The following JADE3 variants were observed in gnomAD, a reference collection of about 807,000 sequenced individuals.
JADE3 encodes the protein protein Jade-3.
JADE3 carries 2 observed loss-of-function variants against 50.1 expected under a neutral mutation model. The ratio of observed to expected loss-of-function variants is 0.04; its 90% CI spans 0.02 to 0.13. JADE3 has a LOEUF of 0.13. Among genes scored for constraint, JADE3 ranks in the 10% least tolerant of loss-of-function variants. The probability of loss-of-function intolerance (pLI) is 1.00; values close to 1 mark genes in which losing one functional copy is unlikely to be tolerated. For synonymous variants in JADE3, 218 were observed against 232.9 expected (o/e 0.94, Z 0.58); for missense variants, 475 against 634.4 (o/e 0.75, Z 2.70).
At chrX:47,052,856 G>A (rs1253986111) in intron 8 of JADE3, among the ~76,000 whole-genome samples, 2 of 109,148 alleles carry the variant, frequency 1.8e-5, no homozygotes, top group African/African-American at 3.3e-5. Context: ...AGGAGTTTGA[G>A]ACCAGCCTGA....
intron 4 of JADE3, among the ~76,000 whole-genome samples, chrX:47,020,911 TC>T (rs1556364266): frequency 9.1e-6 from 1 of 110,300 alleles, no homozygotes; most frequent in Non-Finnish European, 1.9e-5. Context: ...GCCCAGGAGT[TC>T]AAGACTAGCC....
intron 1 of JADE3, among the ~76,000 whole-genome samples, chrX:46,965,347 T>C (rs1278447691): frequency 9.0e-6 from 1 of 111,508 alleles, no homozygotes; most frequent in African/African-American, 3.3e-5. Context: ...GGGACAAATG[T>C]ATTATTGGCT....
chrX:46,938,621 G>T (rs1234224372), intron 1 of JADE3, among the ~76,000 whole-genome samples: 2 of 112,226 alleles, frequency 1.8e-5, no homozygotes, highest in African/African-American at 6.5e-5. Context: ...CACCATTTAT[G>T]TTGCTCTTTT....
intron 3 of JADE3, among the ~76,000 whole-genome samples, chrX:46,990,740 T>C (rs990770328): frequency 1.6e-4 from 18 of 111,376 alleles, no homozygotes; most frequent in Non-Finnish European, 2.8e-4. Flanking sequence ...TTTAAGTGTA[T>C]AATTCAGTGG....
chrX:46,993,550 G>A (rs1328436146), intron 3 of JADE3, among the ~76,000 whole-genome samples: 1 of 111,870 alleles, frequency 8.9e-6, no homozygotes, highest in African/African-American at 3.2e-5. Flanking sequence ...TGATATGGGG[G>A]AAAGGGAATA....
chrX:47,042,199 C>T (rs1556369853), intron 8 of JADE3, among the ~76,000 whole-genome samples: 2 of 111,203 alleles, frequency 1.8e-5, no homozygotes, highest in Admixed American at 9.6e-5. Context: ...GCTGTGTTGC[C>T]CAGGCTTATT....
At chrX:46,946,933 C>T (rs1032273260) in intron 1 of JADE3, among the ~76,000 whole-genome samples, 1 of 112,453 alleles carries the variant, frequency 8.9e-6, no homozygotes, top group Non-Finnish European at 1.9e-5. Flanking sequence ...CAAGTGTGGA[C>T]TTGGACCAGG....
chrX:46,964,254 C>T (rs1927322450), intron 1 of JADE3, among the ~76,000 whole-genome samples: 1 of 111,933 alleles, frequency 8.9e-6, no homozygotes, highest in South Asian at 3.7e-4. Flanking sequence ...ATTCTCTTCT[C>T]CTCGGGAGGT....
chrX:47,042,420 C>CA (rs782245495), intron 8 of JADE3, among the ~76,000 whole-genome samples: 1 of 111,436 alleles, frequency 9.0e-6, no homozygotes, highest in African/African-American at 3.3e-5. Context: ...AGTAGACAGA[C>CA]AATTAATAGA....
At chrX:47,013,047 C>G (rs1311307213) in intron 4 of JADE3, among the ~76,000 whole-genome samples, 2 of 112,280 alleles carry the variant, frequency 1.8e-5, no homozygotes, top group African/African-American at 6.5e-5. Context: ...GTCTCGTTCT[C>G]TGTTGCCCAG....
chrX:47,058,447 T>C lies in JADE3; in HGVS notation c.1842T>C (p.Ser614=), dbSNP rs1556373913. ...TGGCCAGTCTCAGCCATTCTAGGAG[T>C]GAAGCAAAGGAGTCCAGTCCTGCTT... is the stretch of plus-strand genomic sequence containing the variant. ...RLLASLSHSR[S]EAKESSPAWR... Residue 614 remains serine, a synonymous_variant, in exon 11 of 11, where the codon AGT becomes AGC. Coordinates refer to ENST00000614628, the MANE Select transcript of JADE3 (RefSeq NM_014735.5). The C allele has an allele frequency of 3.3e-6, 4 of 1,210,586 alleles. No homozygotes were observed. In the South Asian group the frequency reaches 7.0e-5, roughly 21 times the overall value.
At chrX:47,009,223 G>A (rs1011322110) in intron 4 of JADE3, among the ~76,000 whole-genome samples, 1 of 110,971 alleles carries the variant, frequency 9.0e-6, no homozygotes, top group East Asian at 2.8e-4. Flanking sequence ...TCGGGAGGCC[G>A]AGTTGGAAGG....
intron 1 of JADE3, among the ~76,000 whole-genome samples, chrX:46,915,770 A>AT (rs374580333): frequency 2.7e-5 from 3 of 109,861 alleles, no homozygotes; most frequent in African/African-American, 9.9e-5. Context: ...AAAAAAAAAA[A>AT]GGGTCCTGGG....
In JADE3 at chrX:46,974,963, C is replaced by A. The variant is rs895491113; in HGVS notation, c.-11-9921C>A. Among the ~76,000 whole-genome samples the A allele has an allele frequency of 2.7e-4, 30 of 112,207 alleles. 1 individual carries two copies. The highest frequency in any genetic ancestry group is 1.1e-4 in the Non-Finnish European group (6 of 53,280). Reference sequence around the variant, plus strand: ...CTGTGCCTTGTAGGATGTTTAACGGCATCCCTCCTGACCTCTATCCCTAGA... The same window carrying A: ...CTGTGCCTTGTAGGATGTTTAACGGAATCCCTCCTGACCTCTATCCCTAGA... On this transcript the variant is annotated intron_variant, in intron 1 of 10. Transcript: ENST00000614628.
chrX:47,059,030 G>C lies in JADE3; in HGVS notation c.2425G>C (p.Gly809Arg). The C allele has an allele frequency of 8.3e-7, 1 of 1,206,376 alleles. No homozygotes were observed. The highest frequency in any genetic ancestry group is 1.1e-6 in the Non-Finnish European group (1 of 894,245). Reference protein sequence around the residue: ...PPHDSRRDCHGKSKTHPLSHS... With the variant: ...PPHDSRRDCHRKSKTHPLSHS... ...CCATGACTCTAGACGGGATTGCCATGGTAAAAGCAAGACACATCCCCTTTC... is the reference window on the plus strand; with the variant it reads ...CCATGACTCTAGACGGGATTGCCATCGTAAAAGCAAGACACATCCCCTTTC... Residue 809 changes from glycine (G) to arginine (R), a missense_variant, in exon 11 of 11, where the codon GGT (glycine) becomes CGT (arginine). Physicochemically the swap from Gly to Arg is moderately radical, Grantham distance 125. Transcript: ENST00000614628.
intron 1 of JADE3, among the ~76,000 whole-genome samples, chrX:46,933,908 CTT>C (rs1926550453): frequency 9.1e-6 from 1 of 110,214 alleles, no homozygotes; most frequent in African/African-American, 3.3e-5. Context: ...AAATTCATGA[CTT>C]TTGTCAAACC....
At chrX:47,030,773 C>T (rs1556366572) in intron 6 of JADE3, among the ~76,000 whole-genome samples, 1 of 111,631 alleles carries the variant, frequency 9.0e-6, no homozygotes, top group East Asian at 2.8e-4. Context: ...AAAGTTGGGC[C>T]GGGCATGGTG....
intron 1 of JADE3, among the ~76,000 whole-genome samples, chrX:46,983,814 CT>C (rs1431583510): frequency 9.0e-6 from 1 of 111,690 alleles, no homozygotes; most frequent in Admixed American, 9.5e-5. Context: ...ATTGAAATAA[CT>C]TTCACCAATT....
chrX:47,024,602 A>G (rs1928866633), intron 4 of JADE3, 122 bp from the exon 5 acceptor site: 2 of 409,107 alleles, frequency 4.9e-6, no homozygotes, highest in Admixed American at 4.8e-5. Context: ...CTAAATTTGT[A>G]AAACCATTTG....
Sources: gnomAD v4.1 joint callset for allele counts (sites outside exome capture counted in the v4.1 genomes callset) on GRCh38, gnomAD v4.1.1 for gene constraint, MANE v1.5 for transcripts, NCBI Gene and HGNC (gene_info 2026-07-23, HGNC 2026-07-21) for gene names.